BDH2: variants seen among roughly 807,000 people sequenced by gnomAD.
BDH2 encodes the protein 3-hydroxybutyrate dehydrogenase 2.
Under a neutral mutation model 33.2 loss-of-function variants are expected in BDH2, and 24 were observed. That is an observed-to-expected ratio of 0.72 (90% CI 0.52 to 1.02). The LOEUF is 1.02. BDH2 is among the 50% of genes least tolerant of loss of function. The pLI is 0.00. For missense variants in BDH2, 249 were observed against 301.6 expected (o/e 0.83, Z 1.29); for synonymous variants, 81 against 101.6 (o/e 0.80, Z 1.22).
chr4:103,079,884 C>G, intron 9 of BDH2, 129 bp from the exon 10 acceptor site: 1 of 797,552 alleles, frequency 1.3e-6, no homozygotes, highest in Non-Finnish European at 2.1e-6. Flanking sequence ...CACTTAAACA[C>G]TTAATTCAGG....
chr4:103,082,274 G>A (rs572172908), intron 8 of BDH2, 101 bp from the exon 9 acceptor site: 328 of 987,036 alleles, frequency 3.3e-4, no homozygotes, highest in Non-Finnish European at 4.7e-4. Context: ...CCACTGGCTT[G>A]CTGCCTTGAT....
chr4:103,090,958 C>A (rs745784988), intron 5 of BDH2, among the ~76,000 whole-genome samples: 7 of 152,138 alleles, frequency 4.6e-5, no homozygotes, highest in Non-Finnish European at 1.0e-4. Flanking sequence ...TAGAATGGAG[C>A]CTGGCATGTG....
At chr4:103,081,455 G>A (rs1255437352) in intron 9 of BDH2, among the ~76,000 whole-genome samples, 4 of 152,042 alleles carry the variant, frequency 2.6e-5, no homozygotes, top group Admixed American at 2.6e-4. Context: ...CCGCCACCAC[G>A]CTCAGCTATT....
intron 5 of BDH2, among the ~76,000 whole-genome samples, chr4:103,087,135 TAGTC>T (rs1747829622): frequency 6.6e-6 from 1 of 152,058 alleles, no homozygotes; most frequent in Non-Finnish European, 1.5e-5. Flanking sequence ...ACTAGAGTAT[TAGTC>T]AGAAAAATAA....
At chr4:103,094,616 G>A (rs1325662060) in intron 3 of BDH2, among the ~76,000 whole-genome samples, 5 of 151,796 alleles carry the variant, frequency 3.3e-5, no homozygotes, top group Middle Eastern at 3.2e-3. Flanking sequence ...CTGCAAAGAG[G>A]AGAAAATTAA....
intron 3 of BDH2, among the ~76,000 whole-genome samples, chr4:103,094,574 A>G (rs1424786857): frequency 6.6e-6 from 1 of 152,156 alleles, no homozygotes; most frequent in Non-Finnish European, 1.5e-5. Flanking sequence ...TTTCTCAATT[A>G]TACCTCAAAG....
chr4:103,086,624 T>C, intron 5 of BDH2, 84 bp from the exon 6 acceptor site: 1 of 1,494,596 alleles, frequency 6.7e-7, no homozygotes, highest in East Asian at 2.5e-5. Flanking sequence ...TGCATTTTCT[T>C]AGGGTTTGCA....
At chr4:103,089,017 G>A (rs1163386957) in intron 5 of BDH2, among the ~76,000 whole-genome samples, 1 of 152,180 alleles carries the variant, frequency 6.6e-6, no homozygotes, top group Non-Finnish European at 1.5e-5. Context: ...TCTTCTTAAA[G>A]TATTTTCAAC....
chr4:103,095,152 ATAATACCT>A, intron 3 of BDH2, 43 bp downstream of exon 3: 1 of 1,460,156 alleles, frequency 6.8e-7, no homozygotes, highest in Non-Finnish European at 9.6e-7. Context: ...GCCATGCTTT[ATAATACCT>A]TGCAGACACT....
At position 103,080,808 on chromosome 4, in the gene BDH2, CA is replaced by C. The variant is rs1325112362; in HGVS notation, c.685-1054del. 1.1e-4 allele frequency among the ~76,000 whole-genome samples: 16 copies of C among 152,330 alleles called. No individual in the cohort carries two copies. The East Asian group carries it at 3.1e-3, about 29-fold the overall frequency. The stretch of plus-strand genomic sequence containing the variant: ...TTTAGCTTATCAGCAGTACCCAAAT[CA>C]AATGAGCTATTCTGAAGATACGGAT... On this transcript the variant is annotated intron_variant, in intron 9 of 9. Coordinates refer to ENST00000296424, the MANE Select transcript of BDH2 (RefSeq NM_020139.4).
intron 7 of BDH2, among the ~76,000 whole-genome samples, chr4:103,083,492 C>T (rs1277894844): frequency 6.6e-6 from 1 of 152,156 alleles, no homozygotes; most frequent in African/African-American, 2.4e-5. Flanking sequence ...CTTTTAACCA[C>T]AGTTTCAAGT....
intron 8 of BDH2, among the ~76,000 whole-genome samples, chr4:103,082,609 C>T (rs1357392817): frequency 6.6e-6 from 1 of 152,008 alleles, no homozygotes; most frequent in East Asian, 1.9e-4. Context: ...GGCTGGAGTG[C>T]AGTGTTGTGA....
At chr4:103,085,704 A>T (rs1747746994) in intron 6 of BDH2, 7 of 1,435,302 alleles carry the variant, frequency 4.9e-6, no homozygotes, top group Non-Finnish European at 5.5e-6. Flanking sequence ...CTTACTTAAC[A>T]TTGGTAGTCT....
Position 103,082,921 on chromosome 4 carries a change from C to G in BDH2, c.541G>C (p.Asp181His). ...RCNCVCPGTV[D>H]TPSLQERIQA... ...ATTCTTTCTTGTAGAGATGGCGTATCAACTGTTCCTAAATCAAAGGGGGAT... is the reference window on the plus strand; with the variant it reads ...ATTCTTTCTTGTAGAGATGGCGTATGAACTGTTCCTAAATCAAAGGGGGAT... Residue 181 changes from aspartate to histidine, a missense_variant, in exon 8 of 10, where the codon GAT becomes CAT. Asp to His is a moderately conservative substitution (Grantham distance 81, BLOSUM62 -1). Coordinates refer to ENST00000296424, the MANE Select transcript of BDH2 (RefSeq NM_020139.4). 6.2e-7 allele frequency: 1 copy of G among 1,612,644 alleles called. No homozygotes were observed. The highest frequency in any genetic ancestry group is 8.5e-7 in the Non-Finnish European group (1 of 1,178,764).
chr4:103,080,541 G>A (rs567060666), intron 9 of BDH2, among the ~76,000 whole-genome samples: 1 of 152,192 alleles, frequency 6.6e-6, no homozygotes, highest in African/African-American at 2.4e-5. Flanking sequence ...ATAATGAATA[G>A]AGAAATTTTA....
chr4:103,098,508 G>A (rs988795717), intron 1 of BDH2: 1 of 152,214 alleles, frequency 6.6e-6, no homozygotes, highest in Admixed American at 6.5e-5. Context: ...TGCCTCTCTG[G>A]GTTTGTGCTG....
In BDH2 at chr4:103,077,879, G is replaced by C. The variant is rs1747311883; in HGVS notation, c.*1823C>G. 6.6e-6 allele frequency among the ~76,000 whole-genome samples: 1 copy of C among 152,170 alleles called. No homozygotes were observed. Among genetic ancestry groups the C allele is most frequent in the Non-Finnish European group, 1.5e-5 (1 of 68,026 alleles). The stretch of plus-strand genomic sequence containing the variant: ...TGGTCTAGATCACAAACCAAAGTTA[G>C]CCATAATTCGGTAGTGTAGTGCCCG... On this transcript the variant is annotated 3_prime_UTR_variant, in exon 10 of 10. Coordinates refer to ENST00000296424, the MANE Select transcript of BDH2 (RefSeq NM_020139.4).
chr4:103,080,660 G>A lies in BDH2; in HGVS notation c.685-905C>T, dbSNP rs866541666. ...TCCCCCAAGTTCTTTTAAAAGACAA[G>A]CTCTGTTACACATATGAACTCCTCT... On this transcript the variant is annotated intron_variant, in intron 9 of 9. Transcript: ENST00000296424. 9.2e-5 allele frequency among the ~76,000 whole-genome samples: 14 copies of A among 152,324 alleles called. No homozygotes were observed. The South Asian group carries it at 1.9e-3, about 20-fold the overall frequency.
chr4:103,080,222 AAGTGGATAATTGT>A (rs2110692369), intron 9 of BDH2, among the ~76,000 whole-genome samples: 1 of 152,366 alleles, frequency 6.6e-6, no homozygotes, highest in South Asian at 2.1e-4. Flanking sequence ...GATCAATTAT[AAGTGGATAATTGT>A]AGGAGCTGAA....
Sources: allele counts gnomAD v4.1 joint callset (sites outside exome capture counted in the v4.1 genomes callset), GRCh38; gene constraint gnomAD v4.1.1; transcripts MANE v1.5; gene names NCBI Gene and HGNC (gene_info 2026-07-23, HGNC 2026-07-21).